The following BMP5 variants were observed in gnomAD, a reference collection of about 807,000 sequenced individuals.
The protein encoded by BMP5 is bone morphogenetic protein 5.
BMP5 carries 23 observed loss-of-function variants against 46.6 expected under a neutral mutation model. The ratio of observed to expected loss-of-function variants is 0.49; its 90% CI spans 0.35 to 0.70. BMP5 has a LOEUF of 0.70. Ranked by LOEUF, BMP5 falls within the 30% of genes least tolerant of loss-of-function variation. BMP5 has a pLI of 0.00. For missense variants in BMP5, 545 were observed against 565.6 expected, an observed-to-expected ratio of 0.96 and a Z score of 0.37; for synonymous variants, 204 against 191.9, an observed-to-expected ratio of 1.06 and a Z score of -0.52.
At position 55,754,637 on chromosome 6, in the gene BMP5, C is replaced by G. The variant is rs558697458; in HGVS notation, c.*896G>C. The G allele has an allele frequency of 6.6e-6, 1 of 152,056 alleles. No individual in the cohort carries two copies. Among genetic ancestry groups the G allele is most frequent in the African/African-American group, 2.4e-5 (1 of 41,540 alleles). 9.4% of individuals were successfully genotyped at this position (152,056 alleles called of 1,614,324 possible). ...TCTTTCGGCATCTTCTGCTCTTGTA[C>G]ATTTTACGCATGCAGTGACTCTTGC... On this transcript the variant is annotated 3_prime_UTR_variant, in exon 7 of 7. Coordinates refer to ENST00000370830, the MANE Select transcript of BMP5 (RefSeq NM_021073.4).
intron 2 of BMP5, 81 bp downstream of exon 2, chr6:55,819,574 A>G: frequency 8.9e-7 from 1 of 1,122,818 alleles, no homozygotes; most frequent in Non-Finnish European, 1.3e-6. Flanking sequence ...TTTGTTTGAT[A>G]GATCACATGA....
At chr6:55,809,773 A>T (rs908000673) in intron 2 of BMP5, among the ~76,000 whole-genome samples, 1 of 152,124 alleles carries the variant, frequency 6.6e-6, no homozygotes, top group Non-Finnish European at 1.5e-5. Flanking sequence ...TGGTCCAGAA[A>T]AGCTTTAAGA....
At position 55,845,928 on chromosome 6, in the gene BMP5, G is replaced by A. The variant is rs9464294; in HGVS notation, c.491-26081C>T. ...CCATCCTGATCCTACTCCTACTCCC[G>A]CTCCTCTTTCTAAGGCACAGAAAAC... On this transcript the variant is annotated intron_variant, in intron 1 of 6. Transcript: ENST00000370830. Among the ~76,000 whole-genome samples, 628 of 151,974 alleles carry A rather than the reference G, an allele frequency of 4.1e-3. 5 individuals are homozygous for A. The highest frequency in any genetic ancestry group is 0.016 in the South Asian group (78 of 4,822).
At chr6:55,837,376 T>TAGACAGAC (rs1187491927) in intron 1 of BMP5, among the ~76,000 whole-genome samples, 245 of 149,692 alleles carry the variant, frequency 1.6e-3, no homozygotes, top group Middle Eastern at 6.8e-3. Flanking sequence ...GATAGATAGA[T>TAGACAGAC]AGACAGACAG....
In BMP5 at chr6:55,849,821, G is replaced by T. The variant is rs796229375; in HGVS notation, c.490+24555C>A. 3.9e-5 allele frequency among the ~76,000 whole-genome samples: 6 copies of T among 151,988 alleles called. No individual in the cohort carries two copies. The South Asian group carries it at 1.0e-3, about 26-fold the overall frequency. ...TATATTTATTAAATTATGGAGACCAGAAGTGAATGAAAATCATCCTAGATT... is the reference window on the plus strand; with the variant it reads ...TATATTTATTAAATTATGGAGACCATAAGTGAATGAAAATCATCCTAGATT... On this transcript the variant is annotated intron_variant, in intron 1 of 6. Transcript: ENST00000370830.
chr6:55,842,631 C>A (rs995256167), intron 1 of BMP5, among the ~76,000 whole-genome samples: 2 of 151,928 alleles, frequency 1.3e-5, no homozygotes, highest in Admixed American at 6.6e-5. Flanking sequence ...TGCATTACGC[C>A]GGCCCCTCAA....
chr6:55,862,074 T>C (rs1777538770), intron 1 of BMP5, among the ~76,000 whole-genome samples: 4 of 152,252 alleles, frequency 2.6e-5, no homozygotes, highest in Non-Finnish European at 5.9e-5. Flanking sequence ...GCAAACAGAA[T>C]ATCCACTAGA....
At chr6:55,804,417 C>G (rs530908321) in intron 2 of BMP5, among the ~76,000 whole-genome samples, 1 of 152,086 alleles carries the variant, frequency 6.6e-6, no homozygotes, top group Non-Finnish European at 1.5e-5. Flanking sequence ...TTGGAGGGTG[C>G]GTGGCCTTAC....
At chr6:55,840,621 A>G (rs1282232896) in intron 1 of BMP5, among the ~76,000 whole-genome samples, 3 of 152,130 alleles carry the variant, frequency 2.0e-5, no homozygotes. Flanking sequence ...TTTAAAATAC[A>G]TCTTTATCTA....
rs544176758 is a variant in BMP5 at position 55,851,918 on chromosome 6, C to G, written c.490+22458G>C. ...GAAGTTTATTTTATTGCAAAGGTATCTTGAGTGAATGACTCTGCAAGAAAG... is the reference window on the plus strand; with the variant it reads ...GAAGTTTATTTTATTGCAAAGGTATGTTGAGTGAATGACTCTGCAAGAAAG... On this transcript the variant is annotated intron_variant, in intron 1 of 6. Transcript: ENST00000370830. Among the ~76,000 whole-genome samples the G allele has an allele frequency of 3.3e-5, 5 of 152,246 alleles. No homozygotes were observed. The South Asian group carries it at 1.0e-3, about 32-fold the overall frequency.
At chr6:55,766,227 C>A (rs1227994549) in intron 4 of BMP5, among the ~76,000 whole-genome samples, 1 of 152,088 alleles carries the variant, frequency 6.6e-6, no homozygotes, top group Non-Finnish European at 1.5e-5. Flanking sequence ...AACACTTTAT[C>A]CCTGCTCCTC....
In BMP5 at chr6:55,815,310, T is replaced by C. The variant is rs9396160; in HGVS notation, c.683+4345A>G. On this transcript the variant is annotated intron_variant, in intron 2 of 6. Transcript: ENST00000370830. ...AGTAACAATCATAATTCAGTAACAC[T>C]ACTCAATAGCAGATGTTCAAAAATG... Among the ~76,000 whole-genome samples the C allele has an allele frequency of 4.2e-3, 640 of 152,228 alleles. 36 individuals are homozygous for C. The East Asian group carries it at 0.11, about 26-fold the overall frequency.
chr6:55,772,427 A>C lies in BMP5; in HGVS notation c.1027+1622T>G, dbSNP rs113608973. On this transcript the variant is annotated intron_variant, in intron 4 of 6. Coordinates refer to ENST00000370830, the MANE Select transcript of BMP5 (RefSeq NM_021073.4). ...TTTTCCCTTTGTAATTTCCTCCAAA[A>C]TTATTTACTATTCTATTCAAGGTTT... 8.9e-3 allele frequency among the ~76,000 whole-genome samples: 1,352 copies of C among 151,984 alleles called. 22 individuals are homozygous for C. The highest frequency in any genetic ancestry group is 0.031 in the African/African-American group (1,301 of 41,498).
chr6:55,816,099 A>G (rs1329705682), intron 2 of BMP5, among the ~76,000 whole-genome samples: 5 of 152,128 alleles, frequency 3.3e-5, no homozygotes. Flanking sequence ...TCCTGAAAAA[A>G]ATGCTTAGGA....
intron 2 of BMP5, among the ~76,000 whole-genome samples, chr6:55,812,401 A>G (rs548253129): frequency 1.3e-5 from 2 of 152,344 alleles, no homozygotes; most frequent in South Asian, 4.1e-4. Flanking sequence ...TGGATCTACC[A>G]TATTTTAAAT....
At chr6:55,755,736 G>T in intron 6 of BMP5, 54 bp from the exon 7 acceptor site, 1 of 1,528,322 alleles carries the variant, frequency 6.5e-7, no homozygotes, top group Non-Finnish European at 9.0e-7. Flanking sequence ...ACATTCTTTT[G>T]CAGTTTTAAA....
intron 4 of BMP5, among the ~76,000 whole-genome samples, chr6:55,772,152 A>G (rs1423186037): frequency 6.6e-6 from 1 of 151,978 alleles, no homozygotes; most frequent in Non-Finnish European, 1.5e-5. Context: ...AAATTTCAAA[A>G]AGAAAATATT....
intron 1 of BMP5, among the ~76,000 whole-genome samples, chr6:55,854,521 T>C (rs1373062616): frequency 1.3e-5 from 2 of 152,050 alleles, no homozygotes; most frequent in Non-Finnish European, 1.5e-5. Context: ...TATTTATCAT[T>C]CAATAAAGAT....
chr6:55,807,338 T>A (rs1426218817), intron 2 of BMP5, among the ~76,000 whole-genome samples: 1 of 152,244 alleles, frequency 6.6e-6, no homozygotes, highest in African/African-American at 2.4e-5. Flanking sequence ...TTTTTGTCAT[T>A]GGTTCTGTTT....
Sources: gnomAD v4.1 joint callset for allele counts (sites outside exome capture counted in the v4.1 genomes callset) on GRCh38, gnomAD v4.1.1 for gene constraint, MANE v1.5 for transcripts, NCBI Gene and HGNC (gene_info 2026-07-23, HGNC 2026-07-21) for gene names.